The following SLC28A1 variants were observed in gnomAD, a reference collection of about 807,000 sequenced individuals.
The protein encoded by SLC28A1 is sodium/nucleoside cotransporter 1.
A neutral mutation model predicts 74.8 loss-of-function variants in SLC28A1; 64 were observed. That is an observed-to-expected ratio of 0.86 (90% CI 0.70 to 1.05). The LOEUF is 1.05. Among genes scored for constraint, SLC28A1 ranks in the 50% least tolerant of loss-of-function variants. The pLI is 0.00. For missense variants in SLC28A1, 828 were observed against 822.8 expected (o/e 1.01, Z -0.08); for synonymous variants, 359 against 335.0 (o/e 1.07, Z -0.78).
At chr15:84,893,808 G>A (rs755454095) in intron 5 of SLC28A1, among the ~76,000 whole-genome samples, 2 of 152,162 alleles carry the variant, frequency 1.3e-5, no homozygotes, top group African/African-American at 2.4e-5. Flanking sequence ...CACCACACGG[G>A]CATTCCTCTC....
At chr15:84,906,689 G>T in intron 8 of SLC28A1, among the ~76,000 whole-genome samples, 1 of 136,216 alleles carries the variant, frequency 7.3e-6, no homozygotes, top group Non-Finnish European at 1.5e-5. Flanking sequence ...TCCCTATGTT[G>T]CCCAGGCTGG....
At chr15:84,933,333 G>A (rs1431070897) in intron 13 of SLC28A1, 58 bp downstream of exon 13, 6 of 1,589,758 alleles carry the variant, frequency 3.8e-6, no homozygotes, top group Non-Finnish European at 5.1e-6. Flanking sequence ...GGGGAGCAAA[G>A]CAGAGGGTCC....
At chr15:84,898,782 C>T (rs1966292581) in intron 6 of SLC28A1, among the ~76,000 whole-genome samples, 1 of 152,102 alleles carries the variant, frequency 6.6e-6, no homozygotes, top group South Asian at 2.1e-4. Context: ...CCTACGGTCT[C>T]CCCAGCTGAC....
the SLC28A1 span, among the ~76,000 whole-genome samples, chr15:84,969,447 A>C: frequency 6.6e-6 from 1 of 152,206 alleles, no homozygotes; most frequent in Non-Finnish European, 1.5e-5. Flanking sequence ...AGCTGGGAGC[A>C]CAGTGGCTGG....
chr15:84,947,275 C>T (rs1012962096), downstream of SLC28A1, among the ~76,000 whole-genome samples: 3 of 152,314 alleles, frequency 2.0e-5, no homozygotes, highest in African/African-American at 7.2e-5. Context: ...TGCCCTTGGG[C>T]TGTGGGCAGG....
the SLC28A1 span, among the ~76,000 whole-genome samples, chr15:84,965,489 C>A: frequency 6.6e-6 from 1 of 152,150 alleles, no homozygotes; most frequent in African/African-American, 2.4e-5. Context: ...TAGCCATTTT[C>A]CCTTCTTTTC....
At chr15:84,932,228 G>C (rs1428038937) in intron 12 of SLC28A1, among the ~76,000 whole-genome samples, 1 of 151,930 alleles carries the variant, frequency 6.6e-6, no homozygotes, top group Non-Finnish European at 1.5e-5. Flanking sequence ...ACAGCCTGAC[G>C]ACGCTTAGCC....
At chr15:84,969,536 G>GC in the SLC28A1 span, among the ~76,000 whole-genome samples, 2 of 151,598 alleles carry the variant, frequency 1.3e-5, no homozygotes, top group African/African-American at 4.9e-5. Flanking sequence ...CCTGCCCCCC[G>GC]ACTCGGACTT....
chr15:84,916,409 T>TA (rs945799817), intron 9 of SLC28A1, among the ~76,000 whole-genome samples: 1 of 150,844 alleles, frequency 6.6e-6, no homozygotes, highest in African/African-American at 2.4e-5. Context: ...ACATAGCTGT[T>TA]AAAAAAAAAT....
At position 84,908,753 on chromosome 15, in the gene SLC28A1, C is replaced by G. The variant is rs141753029; in HGVS notation, c.753C>G (p.Phe251Leu). The part of the protein sequence containing the change: ...FLSYTKAGSS[F>L]VFGEALVKDV... ...GCTACACGAAGGCTGGCTCCAGCTTCGTGTTTGGGGAGGCGCTGGTCAAGG... is the reference window on the plus strand; with the variant it reads ...GCTACACGAAGGCTGGCTCCAGCTTGGTGTTTGGGGAGGCGCTGGTCAAGG... The change falls in exon 9 of 19, where the codon TTC (phenylalanine) becomes TTG (leucine). Residue 251 changes from phenylalanine to leucine, a missense_variant. Phe to Leu is a conservative substitution (Grantham distance 22). Transcript: ENST00000394573. 2 of 1,613,942 alleles carry G rather than the reference C, an allele frequency of 1.2e-6. No individual in the cohort carries two copies. The highest frequency in any genetic ancestry group is 1.7e-6 in the Non-Finnish European group (2 of 1,180,028).
At chr15:84,940,565 G>T (rs931266847) in intron 15 of SLC28A1, 5 of 152,842 alleles carry the variant, frequency 3.3e-5, no homozygotes, top group African/African-American at 9.7e-5. Flanking sequence ...TCTTTCTCAT[G>T]TTTCTCCTAT....
chr15:84,887,723 C>A (rs8187736), intron 2 of SLC28A1, 22 bp from the exon 3 acceptor site: 2 of 1,604,264 alleles, frequency 1.2e-6, no homozygotes, highest in South Asian at 2.2e-5. Context: ...CAGCGTTGGG[C>A]GCTCCCTGAT....
At chr15:84,910,859 T>G (rs115638401) in intron 9 of SLC28A1, among the ~76,000 whole-genome samples, 2 of 152,100 alleles carry the variant, frequency 1.3e-5, no homozygotes, top group Non-Finnish European at 2.9e-5. Flanking sequence ...ATTCTTCTAA[T>G]AAGAGACCGT....
rs748755684 is a variant in SLC28A1, at chr15:84,905,665, G to T, written c.717+13G>T. Reference sequence around the variant, plus strand: ...CGAGCAGATCCGGGTAGGTATGTGGGGTCTGGCTGCCCAGAGCATCTTAGA... The same window carrying T: ...CGAGCAGATCCGGGTAGGTATGTGGTGTCTGGCTGCCCAGAGCATCTTAGA... On this transcript the variant is annotated intron_variant, in intron 8 of 18. Transcript: ENST00000394573. 18 of 1,576,810 alleles carry T rather than the reference G, an allele frequency of 1.1e-5. No individual in the cohort carries two copies. The highest frequency in any genetic ancestry group is 1.4e-5 in the Non-Finnish European group (16 of 1,146,396).
chr15:84,912,208 T>G (rs117900652), intron 9 of SLC28A1, among the ~76,000 whole-genome samples: 23 of 152,348 alleles, frequency 1.5e-4, no homozygotes, highest in South Asian at 4.1e-4. Context: ...ACACATATTA[T>G]TGGGATTTGC....
chr15:84,935,932 T>G (rs1971832727), intron 15 of SLC28A1, among the ~76,000 whole-genome samples: 1 of 146,154 alleles, frequency 6.8e-6, no homozygotes, highest in African/African-American at 2.5e-5. Context: ...CCTCACTGTT[T>G]TGTTTTGGTT....
intron 12 of SLC28A1, among the ~76,000 whole-genome samples, chr15:84,928,584 T>TTCTCTC (rs1567172340): frequency 1.5e-4 from 3 of 19,826 alleles, no homozygotes; most frequent in Non-Finnish European, 1.7e-4. Context: ...CTTTCTTTCT[T>TTCTCTC]TCTTTCTTTC....
Position 84,935,398 on chromosome 15 carries a change from G to A in SLC28A1, c.1461G>A (p.Glu487=), listed in dbSNP as rs149533522. 1.6e-4 allele frequency: 255 copies of A among 1,614,124 alleles called. No homozygotes were observed. The highest frequency in any genetic ancestry group is 2.1e-4 in the Non-Finnish European group (245 of 1,180,038). Residue 487 remains glutamate, a synonymous_variant, in exon 15 of 19, where the codon GAG becomes GAA. Coordinates refer to ENST00000394573, the MANE Select transcript of SLC28A1 (RefSeq NM_004213.5). The part of the protein sequence containing the change: ...VAWEDCPVVA[E]LLGIKLFLNE... ...GGGAGGACTGCCCAGTGGTAGCTGA[G>A]CTGCTGGGGATCAAGCTGTTTCTGA... is the stretch of plus-strand genomic sequence containing the variant.
chr15:84,891,988 C>T (rs779979861), intron 5 of SLC28A1, among the ~76,000 whole-genome samples: 3 of 151,980 alleles, frequency 2.0e-5, no homozygotes, highest in Non-Finnish European at 4.4e-5. Context: ...CCCACCCCAC[C>T]GGGAGGGGTG....
Sources: gnomAD v4.1 joint callset for allele counts (sites outside exome capture counted in the v4.1 genomes callset) on GRCh38, gnomAD v4.1.1 for gene constraint, MANE v1.5 for transcripts, NCBI Gene and HGNC (gene_info 2026-07-23, HGNC 2026-07-21) for gene names.